The following NLRP13 variants were observed in gnomAD, a reference collection of about 807,000 sequenced individuals.
The protein encoded by NLRP13 is NACHT, LRR and PYD domains-containing protein 13.
NLRP13 carries 82 observed loss-of-function variants against 94.4 expected under a neutral mutation model. The observed-to-expected ratio is 0.87, with a 90% CI of 0.73 to 1.04. NLRP13 has a LOEUF of 1.04. Ranked by LOEUF, NLRP13 falls within the 50% of genes least tolerant of loss-of-function variation. The pLI is 0.00. For missense variants in NLRP13, 1,426 were observed against 1,230.8 expected (o/e 1.16, Z -2.37); for synonymous variants, 553 against 464.7 (o/e 1.19, Z -2.45).
intron 4 of NLRP13, among the ~76,000 whole-genome samples, chr19:55,914,059 G>A (rs955060612): frequency 6.6e-5 from 10 of 152,220 alleles, no homozygotes; most frequent in Non-Finnish European, 1.5e-4. Flanking sequence ...CCTGGTCCCT[G>A]TGCCCAGACA....
chr19:55,904,962 C>G lies in NLRP13; in HGVS notation c.2598G>C (p.Lys866Asn), dbSNP rs1176228428. Residue 866 changes from lysine (K) to asparagine (N), a missense_variant, in exon 8 of 11, where the codon AAG becomes AAC. By Grantham distance (94) the Lys-to-Asn change is moderately conservative. Transcript: ENST00000342929. ...CTTACTCCAGTCTCTCTAAGGCACACTTGGGGTGAGTCAGGGCCGCACACA... is the reference window on the plus strand; with the variant it reads ...CTTACTCCAGTCTCTCTAAGGCACAGTTGGGGTGAGTCAGGGCCGCACACA... ...KLLCAALTHP[K>N]CALERLELWF... is the part of the protein sequence containing the mutation. 1.2e-6 allele frequency: 2 copies of G among 1,613,818 alleles called. No individual in the cohort carries two copies. Among genetic ancestry groups the G allele is most frequent in the South Asian group, 2.2e-5 (2 of 91,048 alleles).
rs1469149204 is a variant in NLRP13, at chr19:55,907,946, C to T, written c.2293G>A (p.Val765Ile). The T allele has an allele frequency of 1.9e-6, 3 of 1,593,964 alleles. No homozygotes were observed. Among genetic ancestry groups the T allele is most frequent in the South Asian group, 1.1e-5 (1 of 89,314 alleles). Reference protein sequence around the residue: ...CKVQKLTCKSVTPEWVLQDLI... With the variant: ...CKVQKLTCKSITPEWVLQDLI... ...TCCTGCAGAACCCACTCAGGAGTTA[C>T]CGATTTGCACCTGAGGAAGGGAAGG... Residue 765 changes from valine (V) to isoleucine (I), a missense_variant, in exon 7 of 11, where the codon GTA becomes ATA. Val to Ile is a conservative substitution (Grantham distance 29). Transcript: ENST00000342929.
chr19:55,913,084 C>A lies in NLRP13; in HGVS notation c.733G>T (p.Ala245Ser), dbSNP rs1480670770. ...GCCCAGTGCAGCATAGCCTGCATTG[C>A]CAAGGTGGTCTTCCCAACCCCTGCC... ...GRAGVGKTTL[A>S]MQAMLHWANG... The change falls in exon 5 of 11, where the codon GCA becomes TCA. Residue 245 changes from alanine to serine, a missense_variant. Coordinates refer to ENST00000342929, the MANE Select transcript of NLRP13 (RefSeq NM_176810.2). 1 of 1,614,022 alleles carries A rather than the reference C, an allele frequency of 6.2e-7. No homozygotes were observed. The highest frequency in any genetic ancestry group is 1.3e-5 in the African/African-American group (1 of 74,898).
intron 4 of NLRP13, among the ~76,000 whole-genome samples, chr19:55,917,170 AG>A (rs1203188594): frequency 6.6e-6 from 1 of 152,180 alleles, no homozygotes; most frequent in Non-Finnish European, 1.5e-5. Flanking sequence ...GCAAACACTG[AG>A]GGAATTTGTC....
intron 7 of NLRP13, among the ~76,000 whole-genome samples, chr19:55,906,655 G>T (rs1986361318): frequency 6.6e-6 from 1 of 152,108 alleles, no homozygotes; most frequent in South Asian, 2.1e-4. Flanking sequence ...GTTTGAGAAA[G>T]AGCTGACAAA....
At chr19:55,893,614 A>G (rs1340350301), downstream of NLRP13, among the ~76,000 whole-genome samples, 1 of 152,098 alleles carries the variant, frequency 6.6e-6, no homozygotes, top group Non-Finnish European at 1.5e-5. Flanking sequence ...CACAACCACA[A>G]AGGTAGAGGA....
In NLRP13 at chr19:55,904,981, G is replaced by A. The variant is rs150517829; in HGVS notation, c.2579C>T (p.Ala860Val). The A allele has an allele frequency of 3.5e-3, 5,675 of 1,613,836 alleles. 12 individuals carry two copies. Among genetic ancestry groups the A allele is most frequent in the Non-Finnish European group, 4.4e-3 (5,215 of 1,179,914 alleles). Residue 860 changes from alanine to valine, a missense_variant, in exon 8 of 11, where the codon GCG (alanine) becomes GTG (valine). By Grantham distance (64) the Ala-to-Val change is moderately conservative. Transcript: ENST00000342929. ...LQDDGIKLLC[A>V]ALTHPKCALE... ...GGCACACTTGGGGTGAGTCAGGGCC[G>A]CACACAATAGCTTTATGCCATCATC...
chr19:55,911,340 T>A lies in NLRP13; in HGVS notation c.2111+366A>T, dbSNP rs1320844853. ...TCTGCCTCCTTGGCTCAAGCAATCC[T>A]CCCACCGCAGCCCCCCAGTAGCTGG... On this transcript the variant is annotated intron_variant, in intron 5 of 10. Coordinates refer to ENST00000342929, the MANE Select transcript of NLRP13 (RefSeq NM_176810.2). Among the ~76,000 whole-genome samples the A allele has an allele frequency of 2.0e-5, 3 of 152,186 alleles. No homozygotes were observed. The East Asian group carries it at 5.8e-4, about 29-fold the overall frequency.
At chr19:55,908,531 T>C (rs1051511437) in intron 6 of NLRP13, among the ~76,000 whole-genome samples, 2 of 152,124 alleles carry the variant, frequency 1.3e-5, no homozygotes, top group Admixed American at 6.6e-5. Flanking sequence ...TAAATTCTCA[T>C]CAATGATGGA....
At chr19:55,930,898 A>ATATATATATATATATATATAC in intron 1 of NLRP13, among the ~76,000 whole-genome samples, 1 of 104,896 alleles carries the variant, frequency 9.5e-6, no homozygotes, top group African/African-American at 3.9e-5. Context: ...ATATATATAT[A>ATATATATATATATATATATAC]AAATTTTAAC....
chr19:55,909,809 C>T (rs750185136), intron 6 of NLRP13, among the ~76,000 whole-genome samples: 1 of 152,118 alleles, frequency 6.6e-6, no homozygotes, highest in Admixed American at 6.5e-5. Context: ...CCTCATGGTG[C>T]CTTCTATCTC....
At chr19:55,900,244 TA>T (rs34584135) in intron 9 of NLRP13, among the ~76,000 whole-genome samples, 52,683 of 151,766 alleles carry the variant, frequency 0.35, 10,013 homozygotes, top group African/African-American at 0.5. Context: ...TGAAACAGGT[TA>T]AAAAAAAAAT....
chr19:55,894,905 C>T (rs1238336851), downstream of NLRP13, among the ~76,000 whole-genome samples: 1 of 152,184 alleles, frequency 6.6e-6, no homozygotes, highest in Non-Finnish European at 1.5e-5. Context: ...ACTGCACCAT[C>T]CAGTACGGTA....
rs774337121 is a variant in NLRP13, at chr19:55,910,616, C to T, written c.2229G>A (p.Val743=). 22 of 1,613,548 alleles carry T rather than the reference C, an allele frequency of 1.4e-5. No homozygotes were observed. The South Asian group carries it at 2.3e-4, about 17-fold the overall frequency. The change falls in exon 6 of 11, where the codon GTG becomes GTA. Residue 743 remains valine, a synonymous_variant. Coordinates refer to ENST00000342929, the MANE Select transcript of NLRP13 (RefSeq NM_176810.2). ...LSNSKLHASS[V]KGLCLALKNP... is the part of the protein sequence containing the mutation. ...TTTTCAGTGCAAGACAGAGACCCTT[C>T]ACAGAGGAAGCATGAAGTTTGCTGT...
intron 1 of NLRP13, among the ~76,000 whole-genome samples, chr19:55,930,898 A>ATACACGTATATATATACATATATAT: frequency 1.9e-5 from 2 of 104,894 alleles, no homozygotes; most frequent in African/African-American, 3.9e-5. Context: ...ATATATATAT[A>ATACACGTATATATATACATATATAT]AAATTTTAAC....
chr19:55,900,626 A>T (rs1189842272), intron 9 of NLRP13, among the ~76,000 whole-genome samples: 3 of 151,976 alleles, frequency 2.0e-5, no homozygotes, highest in Non-Finnish European at 2.9e-5. Context: ...AATACAAAAA[A>T]TTAGCCGGGC....
intron 7 of NLRP13, among the ~76,000 whole-genome samples, chr19:55,907,118 C>T (rs1986376607): frequency 6.6e-6 from 1 of 152,070 alleles, no homozygotes; most frequent in Admixed American, 6.5e-5. Flanking sequence ...GCCACCACAC[C>T]CGGCTAATTT....
At chr19:55,907,049 C>T (rs546919414) in intron 7 of NLRP13, among the ~76,000 whole-genome samples, 1 of 152,222 alleles carries the variant, frequency 6.6e-6, no homozygotes, top group South Asian at 2.1e-4. Flanking sequence ...AACCTCCGCT[C>T]CCGGGTTCAA....
chr19:55,928,797 T>A (rs892714427), intron 1 of NLRP13, among the ~76,000 whole-genome samples: 1 of 152,106 alleles, frequency 6.6e-6, no homozygotes, highest in Non-Finnish European at 1.5e-5. Flanking sequence ...TGGGATCTAA[T>A]TGAACTAAAG....
Sources: allele counts gnomAD v4.1 joint callset (sites outside exome capture counted in the v4.1 genomes callset), GRCh38; gene constraint gnomAD v4.1.1; transcripts MANE v1.5; gene names NCBI Gene and HGNC (gene_info 2026-07-23, HGNC 2026-07-21).